ITPK1: variants seen among roughly 807,000 people sequenced by gnomAD.
ITPK1 encodes the protein inositol 1,3,4-trisphosphate 5/6-kinase.
In ITPK1, 21 loss-of-function variants were observed where a neutral mutation model predicts 45.3. That is an observed-to-expected ratio of 0.46 (90% CI 0.33 to 0.67). The LOEUF (loss-of-function observed/expected upper bound fraction) is 0.67, where lower values mean the gene tolerates loss of function less well. ITPK1 is among the 30% of genes least tolerant of loss of function. The pLI, the probability that ITPK1 is intolerant of heterozygous loss-of-function variation, is 0.02. For missense variants in ITPK1, 474 were observed against 573.5 expected (o/e 0.83, Z 1.77); for synonymous variants, 258 against 253.6 (o/e 1.02, Z -0.16).
At chr14:93,065,046 C>A (rs989059564) in intron 3 of ITPK1, among the ~76,000 whole-genome samples, 1 of 152,122 alleles carries the variant, frequency 6.6e-6, no homozygotes, top group Non-Finnish European at 1.5e-5. Context: ...TTCACCCCAT[C>A]ATGGCTAGAC....
chr14:92,981,295 C>T (rs1886216084), intron 5 of ITPK1, among the ~76,000 whole-genome samples: 1 of 152,232 alleles, frequency 6.6e-6, no homozygotes, highest in African/African-American at 2.4e-5. Context: ...CTCCCTCTCT[C>T]CCCGCATAGG....
At chr14:93,101,730 A>G (rs1892329688) in intron 2 of ITPK1, among the ~76,000 whole-genome samples, 1 of 152,050 alleles carries the variant, frequency 6.6e-6, no homozygotes, top group Non-Finnish European at 1.5e-5. Flanking sequence ...TGCGCTTGTG[A>G]CTCCAGCTAC....
intron 5 of ITPK1, among the ~76,000 whole-genome samples, chr14:92,979,334 G>A (rs998904503): frequency 1.3e-5 from 2 of 152,198 alleles, no homozygotes; most frequent in Non-Finnish European, 2.9e-5. Context: ...TGTCTCAGAT[G>A]AGACTTTGGA....
chr14:93,107,036 C>A (rs1256000908), intron 2 of ITPK1, among the ~76,000 whole-genome samples: 1 of 152,072 alleles, frequency 6.6e-6, no homozygotes, highest in East Asian at 1.9e-4. Flanking sequence ...TGGCTCACTG[C>A]AATCTCCACC....
intron 5 of ITPK1, among the ~76,000 whole-genome samples, chr14:92,989,877 C>G (rs1446206619): frequency 2.6e-5 from 4 of 152,084 alleles, no homozygotes; most frequent in African/African-American, 9.7e-5. Context: ...CCCTGGCATG[C>G]TGGGGTGGGT....
At position 92,940,329 on chromosome 14, in the gene ITPK1, G is replaced by A; in HGVS notation, c.*1232C>T. On this transcript the variant is annotated 3_prime_UTR_variant, in exon 11 of 11. Coordinates refer to ENST00000267615, the MANE Select transcript of ITPK1 (RefSeq NM_014216.6). ...GCACCCCACATCTTCCAGGACTGCA[G>A]AGGCTTCTCCCCAACCCTTTTCTCT... 1 of 996,234 alleles carries A rather than the reference G, an allele frequency of 1.0e-6. No homozygotes were observed. Among genetic ancestry groups the A allele is most frequent in the Non-Finnish European group, 1.2e-6 (1 of 836,262 alleles). The allele number at this position is 996,234 out of a possible 1,614,324, so 61.7% of individuals were successfully genotyped here. A position where few individuals can be genotyped will look rare whatever the true frequency, so the allele number is the denominator to read the frequency against.
At chr14:93,084,509 AG>A in intron 2 of ITPK1, among the ~76,000 whole-genome samples, 1 of 152,198 alleles carries the variant, frequency 6.6e-6, no homozygotes, top group Non-Finnish European at 1.5e-5. Context: ...ACAGCCCCCG[AG>A]AGTCTCTGGA....
At chr14:93,051,565 C>T (rs991945394) in intron 3 of ITPK1, among the ~76,000 whole-genome samples, 9 of 151,154 alleles carry the variant, frequency 6.0e-5, no homozygotes, top group Non-Finnish European at 1.2e-4. Context: ...GCAGTGAGTC[C>T]AGATCATGCC....
At chr14:93,096,380 T>G (rs893355359) in intron 2 of ITPK1, among the ~76,000 whole-genome samples, 8 of 152,234 alleles carry the variant, frequency 5.3e-5, no homozygotes, top group African/African-American at 1.9e-4. Flanking sequence ...TGTAACTCAC[T>G]GGTTGACATG....
chr14:93,076,849 T>C lies in ITPK1; in HGVS notation c.96-230A>G, dbSNP rs1891240946. Among the ~76,000 whole-genome samples, 5 of 151,748 alleles carry C rather than the reference T, an allele frequency of 3.3e-5. No homozygotes were observed. The South Asian group carries it at 1.0e-3, about 32-fold the overall frequency. ...GGCTCTGCAGAGGGACTTGCTGGAGTCCTCTGGAGGCCCCACGCCAGCCAC... is the reference window on the plus strand; with the variant it reads ...GGCTCTGCAGAGGGACTTGCTGGAGCCCTCTGGAGGCCCCACGCCAGCCAC... On this transcript the variant is annotated intron_variant, in intron 2 of 10. Transcript: ENST00000267615. The surrounding 1 kb of genome is among the most constrained non-coding windows in gnomAD (Gnocchi z 4.3).
intron 3 of ITPK1, among the ~76,000 whole-genome samples, chr14:93,040,646 C>G (rs1476291817): frequency 6.6e-6 from 1 of 152,222 alleles, no homozygotes; most frequent in East Asian, 1.9e-4. Context: ...GAGCTCCCAG[C>G]CTTCTCTGAA....
chr14:93,090,776 CT>C (rs1891837112), intron 2 of ITPK1, among the ~76,000 whole-genome samples: 2 of 150,474 alleles, frequency 1.3e-5, no homozygotes, highest in Non-Finnish European at 3.0e-5. Flanking sequence ...TTTTTTTTTT[CT>C]TTTTGCTTAA....
intron 2 of ITPK1, among the ~76,000 whole-genome samples, chr14:93,099,841 T>C (rs1460461503): frequency 6.6e-6 from 1 of 151,364 alleles, no homozygotes; most frequent in South Asian, 2.1e-4. Context: ...CTTGTGGGGG[T>C]AGGTACTCTC....
At chr14:93,045,202 G>A (rs1448444629) in intron 3 of ITPK1, among the ~76,000 whole-genome samples, 2 of 152,338 alleles carry the variant, frequency 1.3e-5, no homozygotes, top group South Asian at 4.1e-4. Context: ...AATAAGCAGA[G>A]GCCAGTTACC....
intron 5 of ITPK1, among the ~76,000 whole-genome samples, chr14:92,982,578 C>A (rs952536404): frequency 2.0e-5 from 3 of 152,152 alleles, no homozygotes; most frequent in Non-Finnish European, 2.9e-5. Context: ...GATCACCTGC[C>A]CCTGCGGACA....
chr14:93,039,217 C>G (rs563858297), intron 3 of ITPK1, among the ~76,000 whole-genome samples: 4 of 152,346 alleles, frequency 2.6e-5, no homozygotes, highest in African/African-American at 9.6e-5. Flanking sequence ...CCCCAGCATG[C>G]TTTGGGCTCC....
At chr14:93,020,753 A>G (rs59471851) in intron 3 of ITPK1, among the ~76,000 whole-genome samples, 8,373 of 152,240 alleles carry the variant, frequency 0.055, 438 homozygotes, top group African/African-American at 0.13. Context: ...AATTACTCAG[A>G]TAATGGGGAG....
chr14:93,061,393 C>T (rs1279754740), intron 3 of ITPK1, among the ~76,000 whole-genome samples: 3 of 152,176 alleles, frequency 2.0e-5, no homozygotes, highest in Non-Finnish European at 2.9e-5. Flanking sequence ...CTCCTTCCTC[C>T]TCTCCCTGGG....
In ITPK1 at chr14:93,091,891, G is replaced by A. The variant is rs568175489; in HGVS notation, c.96-15272C>T. Among the ~76,000 whole-genome samples the A allele has an allele frequency of 6.6e-5, 10 of 152,276 alleles. No individual in the cohort carries two copies. The East Asian group carries it at 1.9e-3, about 29-fold the overall frequency. ...AGGGATGACGGGAGGCGCCACTCCT[G>A]GGCAGCACTGGCAGGCCGGGTGCAC... On this transcript the variant is annotated intron_variant, in intron 2 of 10. Coordinates refer to ENST00000267615, the MANE Select transcript of ITPK1 (RefSeq NM_014216.6).
Sources: gnomAD v4.1 joint callset for allele counts (sites outside exome capture counted in the v4.1 genomes callset) on GRCh38, gnomAD v4.1.1 for gene constraint, Gnocchi (gnomAD v3.1) non-coding constraint, MANE v1.5 for transcripts, NCBI Gene and HGNC (gene_info 2026-07-23, HGNC 2026-07-21) for gene names.